The following LOC128462377 variants were observed in gnomAD, a reference collection of about 807,000 sequenced individuals.
the LOC128462377 span, among the ~76,000 whole-genome samples, chr16:89,321,467 G>C: frequency 2.0e-5 from 3 of 150,374 alleles, no homozygotes; most frequent in African/African-American, 7.4e-5. Context: ...TGCGGGGCGG[G>C]GACTGTGGGG....
the LOC128462377 span, among the ~76,000 whole-genome samples, chr16:89,417,293 AT>A: frequency 6.6e-6 from 1 of 152,160 alleles, no homozygotes; most frequent in Admixed American, 6.5e-5. Context: ...CACAAAACAG[AT>A]TATGTATTTT....
the LOC128462377 span, among the ~76,000 whole-genome samples, chr16:89,357,204 TG>T: frequency 6.6e-6 from 1 of 152,094 alleles, no homozygotes; most frequent in African/African-American, 2.4e-5. Context: ...TGAGTGGGGT[TG>T]GGGGCGGGGT....
the LOC128462377 span, among the ~76,000 whole-genome samples, chr16:89,362,368 G>T: frequency 6.6e-6 from 1 of 152,192 alleles, no homozygotes. Flanking sequence ...ACTGGAAGCA[G>T]AACCAAAACC....
chr16:89,338,978 G>A, the LOC128462377 span, among the ~76,000 whole-genome samples: 27 of 152,092 alleles, frequency 1.8e-4, no homozygotes, highest in Admixed American at 3.3e-4. Flanking sequence ...TTCCCTCAAA[G>A]TCACCACCGA....
the LOC128462377 span, among the ~76,000 whole-genome samples, chr16:89,335,370 T>G: frequency 6.6e-6 from 1 of 152,102 alleles, no homozygotes; most frequent in Non-Finnish European, 1.5e-5. Context: ...CATCCGTGAG[T>G]CCCACAGGTC....
the LOC128462377 span, among the ~76,000 whole-genome samples, chr16:89,364,828 G>T: frequency 1.3e-5 from 2 of 152,186 alleles, no homozygotes; most frequent in Non-Finnish European, 2.9e-5. Context: ...AGCTTGCTCA[G>T]CACCACGGCC....
chr16:89,353,800 C>T, the LOC128462377 span, among the ~76,000 whole-genome samples: 2 of 152,178 alleles, frequency 1.3e-5, no homozygotes, highest in Non-Finnish European at 2.9e-5. Context: ...TCTTATGGAA[C>T]ATAATGTTTT....
chr16:89,388,293 A>AT, the LOC128462377 span, among the ~76,000 whole-genome samples: 2,119 of 85,176 alleles, frequency 0.025, 142 homozygotes, highest in East Asian at 0.059. Flanking sequence ...CATGAGGCTG[A>AT]TTTTTTTTTT....
At chr16:89,367,042 C>T in the LOC128462377 span, among the ~76,000 whole-genome samples, 1 of 152,314 alleles carries the variant, frequency 6.6e-6, no homozygotes, top group South Asian at 2.1e-4. Context: ...TGCCCAGCCA[C>T]GGCTCCTTCT....
the LOC128462377 span, among the ~76,000 whole-genome samples, chr16:89,347,583 C>T: frequency 6.7e-6 from 1 of 148,884 alleles, no homozygotes. Context: ...TGCATTCCAG[C>T]CTGGGCGACA....
chr16:89,352,684 T>C, the LOC128462377 span, among the ~76,000 whole-genome samples: 1 of 152,202 alleles, frequency 6.6e-6, no homozygotes, highest in African/African-American at 2.4e-5. Context: ...CTGGCCCTTC[T>C]CCACCCAATT....
the LOC128462377 span, among the ~76,000 whole-genome samples, chr16:89,358,530 C>T: frequency 2.6e-5 from 4 of 152,324 alleles, no homozygotes; most frequent in East Asian, 5.8e-4. Flanking sequence ...ATCATCACTA[C>T]GCATTGCATG....
At chr16:89,354,564 T>G in the LOC128462377 span, among the ~76,000 whole-genome samples, 12 of 152,268 alleles carry the variant, frequency 7.9e-5, no homozygotes, top group African/African-American at 2.6e-4. Flanking sequence ...GAGATTTGAT[T>G]GTGTGTCATC....
the LOC128462377 span, among the ~76,000 whole-genome samples, chr16:89,386,557 G>A: frequency 6.6e-6 from 1 of 152,184 alleles, no homozygotes; most frequent in Admixed American, 6.5e-5. Flanking sequence ...GGCCCGCAAC[G>A]ACCTTGCATC....
At chr16:89,320,671 C>T in the LOC128462377 span, among the ~76,000 whole-genome samples, 3 of 152,218 alleles carry the variant, frequency 2.0e-5, no homozygotes, top group African/African-American at 2.4e-5. Flanking sequence ...GCAGAAGCCA[C>T]GGCGCCAAAG....
the LOC128462377 span, among the ~76,000 whole-genome samples, chr16:89,341,631 C>T: frequency 7.2e-5 from 11 of 152,240 alleles, no homozygotes; most frequent in African/African-American, 2.7e-4. Context: ...CCCATAAATC[C>T]CACCGTTAAC....
At chr16:89,337,270 G>GAA in the LOC128462377 span, among the ~76,000 whole-genome samples, 1 of 151,808 alleles carries the variant, frequency 6.6e-6, no homozygotes, top group Non-Finnish European at 1.5e-5. Flanking sequence ...TGCTCCCAAG[G>GAA]AAACGTCAGA....
chr16:89,339,346 C>G, the LOC128462377 span, among the ~76,000 whole-genome samples: 1 of 152,048 alleles, frequency 6.6e-6, no homozygotes, highest in African/African-American at 2.4e-5. Flanking sequence ...TGCTTGAAGG[C>G]TTACACTAGC....
the LOC128462377 span, among the ~76,000 whole-genome samples, chr16:89,350,731 GAC>G: frequency 6.6e-6 from 1 of 152,184 alleles, no homozygotes; most frequent in Non-Finnish European, 1.5e-5. Context: ...GTGGGAACAA[GAC>G]AGTTCCAACT....
Sources: allele counts gnomAD v4.1 joint callset (sites outside exome capture counted in the v4.1 genomes callset), GRCh38; gene constraint gnomAD v4.1.1; transcripts MANE v1.5.